FAM120C: variants seen among roughly 807,000 people sequenced by gnomAD.
FAM120C encodes constitutive coactivator of PPAR-gamma-like protein 2.
In FAM120C, 14 loss-of-function variants were observed where a neutral mutation model predicts 71.2. That is an observed-to-expected ratio of 0.20 (90% CI 0.13 to 0.31). FAM120C has a LOEUF of 0.31. Ranked by LOEUF, FAM120C falls within the 10% of genes least tolerant of loss-of-function variation. FAM120C has a pLI of 1.00. For synonymous variants in FAM120C, 354 were observed against 353.2 expected, an observed-to-expected ratio of 1.00 and a Z score of -0.03; for missense variants, 500 against 879.0, an observed-to-expected ratio of 0.57 and a Z score of 5.45.
chrX:54,105,161 A>G (rs1224195822), intron 10 of FAM120C, among the ~76,000 whole-genome samples: 1 of 111,927 alleles, frequency 8.9e-6, no homozygotes, highest in Non-Finnish European at 1.9e-5. Context: ...AATCGTCAAG[A>G]AAATACTGGC....
At chrX:54,143,264 C>A (rs1477091491) in intron 4 of FAM120C, among the ~76,000 whole-genome samples, 3 of 109,984 alleles carry the variant, frequency 2.7e-5, no homozygotes, top group African/African-American at 9.9e-5. Context: ...ACTAGAGAAG[C>A]AAGAGCAAAC....
At chrX:54,172,869 G>A (rs1278233372) in intron 1 of FAM120C, among the ~76,000 whole-genome samples, 1 of 112,170 alleles carries the variant, frequency 8.9e-6, no homozygotes, top group Non-Finnish European at 1.9e-5. Context: ...CACTGGCTAC[G>A]TATACAGCTA....
chrX:54,169,409 T>TA (rs781968536), intron 1 of FAM120C, among the ~76,000 whole-genome samples: 207 of 111,455 alleles, frequency 1.9e-3, no homozygotes, highest in African/African-American at 6.3e-3. Flanking sequence ...CACAAGGGCA[T>TA]AAAAAAAATA....
intron 13 of FAM120C, among the ~76,000 whole-genome samples, chrX:54,083,163 AAC>A (rs1237941825): frequency 1.8e-5 from 2 of 110,537 alleles, no homozygotes; most frequent in African/African-American, 6.6e-5. Context: ...TGAAAACCAG[AAC>A]CAAGTCACAA....
chrX:54,116,577 G>A lies in FAM120C; in HGVS notation c.2280C>T (p.Pro760=), dbSNP rs782493349. The A allele has an allele frequency of 4.1e-6, 5 of 1,211,585 alleles. No individual in the cohort carries two copies. The South Asian group carries it at 7.0e-5, about 17-fold the overall frequency. ...TPSMLNPANV[P]THLLLMCCVL... ...CACAACACATGAGCAGCAGATGGGTGGGGACATTAGCTGGATTGAGCATAC... is the reference window on the plus strand; with the variant it reads ...CACAACACATGAGCAGCAGATGGGTAGGGACATTAGCTGGATTGAGCATAC... The change falls in exon 10 of 16, where the codon CCC becomes CCT. Residue 760 remains proline, a synonymous_variant. Transcript: ENST00000375180.
intron 11 of FAM120C, among the ~76,000 whole-genome samples, chrX:54,088,464 T>C (rs1239365455): frequency 9.4e-6 from 1 of 106,509 alleles, no homozygotes; most frequent in Non-Finnish European, 1.9e-5. Flanking sequence ...TGATGGTGGG[T>C]GTTTGTAGTT....
At chrX:54,173,526 G>A (rs1441153259) in intron 1 of FAM120C, among the ~76,000 whole-genome samples, 1 of 112,559 alleles carries the variant, frequency 8.9e-6, no homozygotes, top group Non-Finnish European at 1.9e-5. Context: ...GGGATTACAG[G>A]CGTGAGCCAC....
chrX:54,118,050 C>A (rs1007732287), intron 9 of FAM120C, among the ~76,000 whole-genome samples: 3 of 110,093 alleles, frequency 2.7e-5, no homozygotes, highest in Non-Finnish European at 5.7e-5. Flanking sequence ...ATGGAGAAAC[C>A]CCATCTCTAC....
At chrX:54,076,476 C>T (rs1355805481) in intron 15 of FAM120C, among the ~76,000 whole-genome samples, 1 of 110,960 alleles carries the variant, frequency 9.0e-6, no homozygotes, top group Non-Finnish European at 1.9e-5. Context: ...TCTTCTTTTT[C>T]TGTCCCGACT....
intron 4 of FAM120C, among the ~76,000 whole-genome samples, chrX:54,147,041 C>T (rs1160349627): frequency 1.8e-5 from 2 of 108,507 alleles, no homozygotes; most frequent in Non-Finnish European, 3.9e-5. Context: ...GCAGGCCGGG[C>T]GTGGTGGCTC....
intron 1 of FAM120C, among the ~76,000 whole-genome samples, chrX:54,168,097 G>A (rs2067269761): frequency 9.0e-6 from 1 of 111,671 alleles, no homozygotes; most frequent in African/African-American, 3.3e-5. Flanking sequence ...TTTGGTAGGT[G>A]GAGACCGGAC....
chrX:54,097,413 A>C (rs1436731879), intron 10 of FAM120C, among the ~76,000 whole-genome samples: 1 of 111,797 alleles, frequency 8.9e-6, no homozygotes, highest in Non-Finnish European at 1.9e-5. Flanking sequence ...GGAGGCCAGG[A>C]GTAGCAAGAC....
rs1489232003 is a variant in FAM120C at position 54,165,841 on chromosome X, A to C, written c.700-6225T>G. On this transcript the variant is annotated intron_variant, in intron 1 of 15. Transcript: ENST00000375180. ...TACACCATGAGGGAAATTTTGTATA[A>C]TCTCAGAGTGGGGATAGTTTATGAA... Among the ~76,000 whole-genome samples the C allele has an allele frequency of 2.7e-5, 3 of 110,885 alleles. No individual in the cohort carries two copies. In the East Asian group the frequency reaches 8.4e-4, roughly 31 times the overall value.
chrX:54,117,372 A>ACTG, intron 9 of FAM120C, among the ~76,000 whole-genome samples: 1 of 94,975 alleles, frequency 1.1e-5, no homozygotes, highest in East Asian at 3.3e-4. Context: ...AATAAAATAA[A>ACTG]ATAAAATAAA....
At chrX:54,176,597 A>G (rs1286538662) in intron 1 of FAM120C, among the ~76,000 whole-genome samples, 1 of 111,734 alleles carries the variant, frequency 8.9e-6, no homozygotes, top group South Asian at 3.8e-4. Context: ...AATATATTCT[A>G]TAAGTGCATT....
chrX:54,104,879 A>G (rs1226767830), intron 10 of FAM120C, among the ~76,000 whole-genome samples: 2 of 111,470 alleles, frequency 1.8e-5, no homozygotes, highest in Non-Finnish European at 3.8e-5. Context: ...ATCCCTGAAT[A>G]GACCAATAAC....
intron 10 of FAM120C, among the ~76,000 whole-genome samples, chrX:54,112,784 T>A (rs1422065698): frequency 9.5e-6 from 1 of 104,856 alleles, no homozygotes; most frequent in Non-Finnish European, 1.9e-5. Context: ...GAGCTTGCAG[T>A]GAGCCGAGAT....
At chrX:54,084,714 C>CAA (rs140242950) in intron 13 of FAM120C, among the ~76,000 whole-genome samples, 1 of 92,367 alleles carries the variant, frequency 1.1e-5, no homozygotes, top group Admixed American at 1.2e-4. Context: ...GACCAGGCCT[C>CAA]AAAAAAAAAA....
At chrX:54,081,592 G>T in intron 13 of FAM120C, 132 bp from the exon 14 acceptor site, 2 of 622,035 alleles carry the variant, frequency 3.2e-6, no homozygotes, top group Non-Finnish European at 2.4e-6. Flanking sequence ...AGCCAACATG[G>T]TGAAACCCTG....
Sources: allele counts gnomAD v4.1 joint callset (sites outside exome capture counted in the v4.1 genomes callset), GRCh38; gene constraint gnomAD v4.1.1; transcripts MANE v1.5; gene names NCBI Gene and HGNC (gene_info 2026-07-23, HGNC 2026-07-21).